NCKAP5: variants seen among roughly 807,000 people sequenced by gnomAD.
NCKAP5 encodes the protein NCK associated protein 5.
A neutral mutation model predicts 167.0 loss-of-function variants in NCKAP5; 92 were observed. The observed-to-expected ratio is 0.55, with a 90% CI of 0.47 to 0.66. The LOEUF is 0.66. Among genes scored for constraint, NCKAP5 ranks in the 30% least tolerant of loss-of-function variants. The probability of loss-of-function intolerance (pLI) is 0.00; values close to 1 mark genes in which losing one functional copy is unlikely to be tolerated. For missense variants in NCKAP5, 2,378 were observed against 2,315.0 expected, an observed-to-expected ratio of 1.03 and a Z score of -0.56; for synonymous variants, 891 against 877.4, an observed-to-expected ratio of 1.02 and a Z score of -0.27.
At chr2:132,924,300 T>C (rs1695680822) in intron 8 of NCKAP5, among the ~76,000 whole-genome samples, 1 of 152,112 alleles carries the variant, frequency 6.6e-6, no homozygotes. Flanking sequence ...TCTGGGCCCA[T>C]AAAATAGTTT....
At chr2:132,947,716 C>T (rs79397855) in intron 8 of NCKAP5, among the ~76,000 whole-genome samples, 6 of 152,030 alleles carry the variant, frequency 3.9e-5, no homozygotes, top group Non-Finnish European at 8.8e-5. Flanking sequence ...AGGAGCCCAC[C>T]GTAGAGAGGA....
chr2:132,978,755 C>A (rs1408093744), intron 7 of NCKAP5, among the ~76,000 whole-genome samples: 1 of 152,144 alleles, frequency 6.6e-6, no homozygotes, highest in Non-Finnish European at 1.5e-5. Context: ...GTGAGATTAT[C>A]CAACCTCTCT....
chr2:133,614,947 T>TAC, the NCKAP5 span, among the ~76,000 whole-genome samples: 4 of 152,144 alleles, frequency 2.6e-5, no homozygotes, highest in African/African-American at 7.2e-5. Context: ...TAACAGCGGA[T>TAC]CTCTCAGCAG....
chr2:133,082,445 C>T lies in NCKAP5; in HGVS notation c.341+47533G>A, dbSNP rs113142243. On this transcript the variant is annotated intron_variant, in intron 6 of 19. Coordinates refer to ENST00000409261, the MANE Select transcript of NCKAP5 (RefSeq NM_207363.3). ...ACTGAGTGTGTCAGAGGAAGTCACTCGTGCTTTTTCACTAAAAGAAGCTTT... is the reference window on the plus strand; with the variant it reads ...ACTGAGTGTGTCAGAGGAAGTCACTTGTGCTTTTTCACTAAAAGAAGCTTT... Among the ~76,000 whole-genome samples the T allele has an allele frequency of 4.4e-3, 668 of 152,196 alleles. 6 individuals carry two copies. Among genetic ancestry groups the T allele is most frequent in the African/African-American group, 0.014 (591 of 41,518 alleles).
the NCKAP5 span, among the ~76,000 whole-genome samples, chr2:133,624,794 T>C: frequency 6.6e-6 from 1 of 152,326 alleles, no homozygotes; most frequent in South Asian, 2.1e-4. Context: ...TCAGCACATG[T>C]TACGTTTTTG....
At position 132,782,764 on chromosome 2, in the gene NCKAP5, C is replaced by T. The variant is rs1453825228; in HGVS notation, c.4047G>A (p.Lys1349=). Reference sequence around the variant, plus strand: ...AGCTGCCTGAGCTCCCCAGGGAGCCCTTCCCGGAGGAGGGGTGCCCCGAGG... The same window carrying T: ...AGCTGCCTGAGCTCCCCAGGGAGCCTTTCCCGGAGGAGGGGTGCCCCGAGG... ...GRPSGHPSSG[K]GSLGSSGSFS... The change falls in exon 14 of 20, where the codon AAG becomes AAA. Residue 1349 remains lysine (K), a synonymous_variant. Coordinates refer to ENST00000409261, the MANE Select transcript of NCKAP5 (RefSeq NM_207363.3). 6.2e-7 allele frequency: 1 copy of T among 1,613,892 alleles called. No individual in the cohort carries two copies. The highest frequency in any genetic ancestry group is 8.5e-7 in the Non-Finnish European group (1 of 1,179,822).
At chr2:132,755,528 C>T (rs1344758109) in intron 16 of NCKAP5, among the ~76,000 whole-genome samples, 1 of 151,990 alleles carries the variant, frequency 6.6e-6, no homozygotes, top group African/African-American at 2.4e-5. Context: ...CCTCAGACAA[C>T]CCTTTTTAAT....
chr2:132,856,393 G>T (rs1008199945), intron 11 of NCKAP5, among the ~76,000 whole-genome samples: 2 of 152,012 alleles, frequency 1.3e-5, no homozygotes, highest in Admixed American at 6.6e-5. Context: ...TGGAAATAAT[G>T]ATATAAAACA....
At chr2:132,921,557 G>A (rs1160468216) in intron 8 of NCKAP5, among the ~76,000 whole-genome samples, 1 of 152,106 alleles carries the variant, frequency 6.6e-6, no homozygotes, top group Non-Finnish European at 1.5e-5. Context: ...ATGCTATTGG[G>A]CATGCACAGG....
intron 11 of NCKAP5, among the ~76,000 whole-genome samples, chr2:132,810,040 C>T (rs182435669): frequency 9.9e-5 from 15 of 152,218 alleles, no homozygotes; most frequent in East Asian, 3.9e-4. Flanking sequence ...CCTTCATATA[C>T]GATTCTTAGT....
intron 11 of NCKAP5, among the ~76,000 whole-genome samples, chr2:132,847,354 T>C (rs58081646): frequency 0.079 from 11,982 of 152,282 alleles, 951 homozygotes; most frequent in African/African-American, 0.19. Flanking sequence ...GAAGTTAGTA[T>C]TGTTTTTCTC....
intron 2 of NCKAP5, among the ~76,000 whole-genome samples, chr2:133,537,453 T>G (rs1329830684): frequency 6.6e-6 from 1 of 152,166 alleles, no homozygotes; most frequent in African/African-American, 2.4e-5. Flanking sequence ...TTTCCATTTA[T>G]TCAAGTCTTA....
chr2:132,830,374 CAG>C (rs1371565794), intron 11 of NCKAP5, among the ~76,000 whole-genome samples: 3 of 151,714 alleles, frequency 2.0e-5, no homozygotes, highest in African/African-American at 7.3e-5. Context: ...TGATTATGCT[CAG>C]AGTCTAAGGA....
At chr2:133,280,055 C>T (rs2150458236) in intron 4 of NCKAP5, among the ~76,000 whole-genome samples, 1 of 152,282 alleles carries the variant, frequency 6.6e-6, no homozygotes. Context: ...AATTACTATG[C>T]ATATATATAC....
At chr2:132,932,375 TC>T (rs1219376650) in intron 8 of NCKAP5, among the ~76,000 whole-genome samples, 1 of 152,066 alleles carries the variant, frequency 6.6e-6, no homozygotes, top group Admixed American at 6.6e-5. Context: ...TAGCGAAAGT[TC>T]CCCTAATTGT....
chr2:133,244,208 T>C (rs2087864570), intron 4 of NCKAP5, among the ~76,000 whole-genome samples: 2 of 152,212 alleles, frequency 1.3e-5, no homozygotes, highest in South Asian at 4.1e-4. Context: ...AGATGGATAT[T>C]CTTTGTGTAC....
At chr2:132,841,983 T>A (rs1330194804) in intron 11 of NCKAP5, among the ~76,000 whole-genome samples, 1 of 152,152 alleles carries the variant, frequency 6.6e-6, no homozygotes, top group East Asian at 1.9e-4. Context: ...AGTATTTTTA[T>A]AAGATTTTGG....
At chr2:133,667,179 T>A in the NCKAP5 span, among the ~76,000 whole-genome samples, 1 of 152,044 alleles carries the variant, frequency 6.6e-6, no homozygotes, top group Admixed American at 6.5e-5. Flanking sequence ...CTCTTTGAAA[T>A]GCAAAATCAC....
rs546330098 is a variant in NCKAP5, at chr2:132,913,020, G to T, written c.580-34104C>A. Among the ~76,000 whole-genome samples the T allele has an allele frequency of 3.9e-4, 59 of 152,098 alleles. 1 individual carries two copies. The Middle Eastern group carries it at 0.017, about 44-fold the overall frequency. ...TAATAACCTAATAATTTAATATGCT[G>T]CCCTCAAACTACTACGGTCTCTTCC... On this transcript the variant is annotated intron_variant, in intron 8 of 19. Coordinates refer to ENST00000409261, the MANE Select transcript of NCKAP5 (RefSeq NM_207363.3).
Sources: allele counts gnomAD v4.1 joint callset (sites outside exome capture counted in the v4.1 genomes callset), GRCh38; gene constraint gnomAD v4.1.1; transcripts MANE v1.5; gene names NCBI Gene and HGNC (gene_info 2026-07-23, HGNC 2026-07-21).